Variants in CNTRL observed in about 807,000 individuals in gnomAD.
The protein encoded by CNTRL is centriolin.
CNTRL carries 233 observed loss-of-function variants against 303.7 expected under a neutral mutation model. The observed-to-expected ratio is 0.77, with a 90% CI of 0.69 to 0.86. CNTRL has a LOEUF of 0.86. Ranked by LOEUF, CNTRL falls within the 40% of genes least tolerant of loss-of-function variation. The pLI is 0.00. For missense variants in CNTRL, 2,524 were observed against 2,650.6 expected, an observed-to-expected ratio of 0.95 and a Z score of 1.05; for synonymous variants, 900 against 922.2, an observed-to-expected ratio of 0.98 and a Z score of 0.44.
intron 28 of CNTRL, 65 bp downstream of exon 28, chr9:121,157,665 G>C (rs1240692614): frequency 1.4e-5 from 23 of 1,604,748 alleles, no homozygotes; most frequent in Non-Finnish European, 1.8e-5. Context: ...CTTCTAAGGG[G>C]ATAATAATTG....
intron 31 of CNTRL, among the ~76,000 whole-genome samples, chr9:121,159,467 A>G (rs2052748691): frequency 6.6e-6 from 1 of 152,178 alleles, no homozygotes; most frequent in Non-Finnish European, 1.5e-5. Flanking sequence ...CCCCATCTCT[A>G]CTAAAAATAC....
chr9:121,151,590 C>T (rs2052266137), intron 25 of CNTRL, among the ~76,000 whole-genome samples: 1 of 152,022 alleles, frequency 6.6e-6, no homozygotes, highest in Admixed American at 6.5e-5. Flanking sequence ...GGGGGTTTCA[C>T]CATGTTGGCC....
At chr9:121,146,072 T>G (rs2051833939) in intron 22 of CNTRL, 36 bp from the exon 23 acceptor site, 1 of 1,541,354 alleles carries the variant, frequency 6.5e-7, no homozygotes, top group Non-Finnish European at 8.8e-7. Context: ...AGTAAGTGAT[T>G]TCATATCAAT....
chr9:121,098,362 A>G (rs1290636238), intron 6 of CNTRL, 24 bp from the exon 7 acceptor site: 4 of 1,475,262 alleles, frequency 2.7e-6, no homozygotes, highest in Admixed American at 3.8e-5. Context: ...AAATTATACC[A>G]ATACTAATGT....
At chr9:121,142,511 A>G (rs749302783) in intron 19 of CNTRL, among the ~76,000 whole-genome samples, 4 of 152,248 alleles carry the variant, frequency 2.6e-5, no homozygotes, top group Non-Finnish European at 5.9e-5. Context: ...CAAGTTAATT[A>G]GGTGGTACTT....
At position 121,094,948 on chromosome 9, in the gene CNTRL, A is replaced by G; in HGVS notation, c.409A>G (p.Ile137Val). The change falls in exon 5 of 44, where the codon ATA becomes GTA. Residue 137 changes from isoleucine to valine, a missense_variant. Transcript: ENST00000373855. ...LEVLNLSYNL[I>V]GKIEKLDKLL... ...AGTACTGAATCTCAGCTATAATCTA[A>G]TAGGGAAGATTGAAAAGTTGGACAA... 6.3e-7 allele frequency: 1 copy of G among 1,599,510 alleles called. No homozygotes were observed. Among genetic ancestry groups the G allele is most frequent in the Non-Finnish European group, 8.6e-7 (1 of 1,168,996 alleles).
At chr9:121,146,023 T>C in intron 22 of CNTRL, 85 bp from the exon 23 acceptor site, 1 of 1,245,924 alleles carries the variant, frequency 8.0e-7, no homozygotes, top group Non-Finnish European at 1.1e-6. Flanking sequence ...ATAAAATTAA[T>C]TGGCTCTCTT....
At chr9:121,128,657 T>C (rs1423493897) in intron 14 of CNTRL, among the ~76,000 whole-genome samples, 2 of 152,180 alleles carry the variant, frequency 1.3e-5, no homozygotes, top group Non-Finnish European at 2.9e-5. Flanking sequence ...TAGATCCCAT[T>C]TGTCTATTTT....
At chr9:121,080,798 G>T (rs113907519) in intron 2 of CNTRL, among the ~76,000 whole-genome samples, 58 of 152,294 alleles carry the variant, frequency 3.8e-4, no homozygotes, top group Non-Finnish European at 7.1e-4. Context: ...GGAGGAAAGG[G>T]AGTAATTCCT....
intron 15 of CNTRL, among the ~76,000 whole-genome samples, chr9:121,136,193 TC>T (rs1240732229): frequency 1.3e-5 from 2 of 152,146 alleles, no homozygotes; most frequent in Non-Finnish European, 2.9e-5. Context: ...GCTCTGAGCC[TC>T]CCAGCCTTTT....
intron 1 of CNTRL, 86 bp downstream of exon 1, chr9:121,075,153 G>C: frequency 5.7e-6 from 2 of 350,760 alleles, no homozygotes; most frequent in East Asian, 8.0e-5. Flanking sequence ...GGCCCGGACC[G>C]GGCGTGGTGT....
intron 16 of CNTRL, 82 bp from the exon 17 acceptor site, chr9:121,140,559 G>C: frequency 7.9e-7 from 1 of 1,262,168 alleles, no homozygotes; most frequent in East Asian, 2.6e-5. Flanking sequence ...TAGTTCTGTG[G>C]TCTAGATATG....
At chr9:121,112,612 TAA>T (rs2049797031) in intron 9 of CNTRL, 34 bp downstream of exon 9, 1 of 1,605,186 alleles carries the variant, frequency 6.2e-7, no homozygotes, top group Admixed American at 1.7e-5. Flanking sequence ...AATCCAAAGT[TAA>T]AGCCCACATG....
intron 1 of CNTRL, among the ~76,000 whole-genome samples, chr9:121,078,046 CTT>C (rs1370480468): frequency 6.6e-6 from 1 of 152,200 alleles, no homozygotes; most frequent in Non-Finnish European, 1.5e-5. Context: ...GCACATGCCT[CTT>C]AGCTTTTCTC....
At chr9:121,168,370 T>C (rs1394029686) in intron 38 of CNTRL, 49 bp downstream of exon 38, 1 of 1,538,866 alleles carries the variant, frequency 6.5e-7, no homozygotes, top group Non-Finnish European at 9.0e-7. Context: ...GGATTGGCTC[T>C]GCTGGTTGTC....
intron 13 of CNTRL, among the ~76,000 whole-genome samples, chr9:121,125,389 G>C (rs1361325705): frequency 3.9e-5 from 6 of 152,012 alleles, no homozygotes; most frequent in Non-Finnish European, 7.4e-5. Flanking sequence ...TCGATCTCCT[G>C]ACCTCATGAT....
Position 121,088,435 on chromosome 9 carries a change from C to T in CNTRL, c.109C>T (p.Pro37Ser), listed in dbSNP as rs756045808. 5 of 1,611,728 alleles carry T rather than the reference C, an allele frequency of 3.1e-6. No individual in the cohort carries two copies. The South Asian group carries it at 5.5e-5, about 18-fold the overall frequency. Residue 37 changes from proline (P) to serine (S), a missense_variant, in exon 3 of 44, where the codon CCT (proline) becomes TCT (serine). By Grantham distance (74) the Pro-to-Ser change is moderately conservative (BLOSUM62 -1). Coordinates refer to ENST00000373855, the MANE Select transcript of CNTRL (RefSeq NM_007018.6). ...CAATATGAGATCTAGGTCACTTTCA[C>T]CTTTGATTGGATCAGAGACTCTACC... ...MSNMRSRSLS[P>S]LIGSETLPFH...
At chr9:121,096,156 A>G (rs2048882659) in intron 5 of CNTRL, among the ~76,000 whole-genome samples, 1 of 152,148 alleles carries the variant, frequency 6.6e-6, no homozygotes, top group Non-Finnish European at 1.5e-5. Flanking sequence ...CCATGGTCAC[A>G]TTTTTCTTTT....
rs534605686 is a variant in CNTRL, at chr9:121,119,618, C to A, written c.1650+1078C>A. Among the ~76,000 whole-genome samples, 11 of 151,182 alleles carry A rather than the reference C, an allele frequency of 7.3e-5. No homozygotes were observed. In the East Asian group the frequency reaches 2.1e-3, roughly 29 times the overall value. ...CGAAGCGATTCTCCTGCCTCAGCCT[C>A]CTGAGTAGCTGGGATTACAGGCGCG... On this transcript the variant is annotated intron_variant, in intron 12 of 43. Coordinates refer to ENST00000373855, the MANE Select transcript of CNTRL (RefSeq NM_007018.6).
Sources: allele counts gnomAD v4.1 joint callset (sites outside exome capture counted in the v4.1 genomes callset), GRCh38; gene constraint gnomAD v4.1.1; transcripts MANE v1.5; gene names NCBI Gene and HGNC (gene_info 2026-07-23, HGNC 2026-07-21).